Variants in CLCN7 observed in about 807,000 individuals in gnomAD.
The protein encoded by CLCN7 is H(+)/Cl(-) exchange transporter 7.
CLCN7 carries 60 observed loss-of-function variants against 102.1 expected under a neutral mutation model. The ratio of observed to expected loss-of-function variants is 0.59; its 90% CI spans 0.48 to 0.73. The LOEUF is 0.73. Ranked by LOEUF, CLCN7 falls within the 30% of genes least tolerant of loss-of-function variation. The pLI is 0.00. For missense variants in CLCN7, 962 were observed against 1,125.7 expected, an observed-to-expected ratio of 0.85 and a Z score of 2.08; for synonymous variants, 560 against 490.5, an observed-to-expected ratio of 1.14 and a Z score of -1.87.
intron 16 of CLCN7, among the ~76,000 whole-genome samples, chr16:1,451,362 T>A (rs1405938617): frequency 1.3e-5 from 2 of 152,194 alleles, no homozygotes; most frequent in Non-Finnish European, 2.9e-5. Context: ...TGTACTACCG[T>A]AGCCAGATAA....
chr16:1,450,469 C>T (rs1163500879), intron 17 of CLCN7, 28 bp downstream of exon 17: 2 of 1,572,604 alleles, frequency 1.3e-6, no homozygotes, highest in Admixed American at 1.9e-5. Flanking sequence ...CTGCAGGGCC[C>T]CACAGCCTCC....
At chr16:1,465,512 G>C (rs537517962) in intron 1 of CLCN7, among the ~76,000 whole-genome samples, 174 bp from the exon 2 acceptor site, 3 of 152,292 alleles carry the variant, frequency 2.0e-5, no homozygotes, top group African/African-American at 7.2e-5. Context: ...GGGCCTCCCT[G>C]GGCCCTGGAA....
At chr16:1,449,750 G>A in intron 17 of CLCN7, 1 of 246,682 alleles carries the variant, frequency 4.1e-6, no homozygotes, top group Non-Finnish European at 7.8e-6. Flanking sequence ...TTTCCATTCT[G>A]GGATGACGGA....
chr16:1,462,403 G>C (rs2038950946), intron 2 of CLCN7, among the ~76,000 whole-genome samples: 1 of 101,416 alleles, frequency 9.9e-6, no homozygotes, highest in African/African-American at 4.1e-5. Flanking sequence ...TTGAGATACA[G>C]TCACTCTTTT....
At position 1,449,452 on chromosome 16, in the gene CLCN7, C is replaced by T. The variant is rs150929696; in HGVS notation, c.1618-125G>A. 1.6e-3 allele frequency: 1,346 copies of T among 829,918 alleles called. 9 individuals are homozygous for T. The highest frequency in any genetic ancestry group is 4.2e-3 in the Admixed American group (205 of 49,238). The allele number at this position is 829,918 out of a possible 1,614,324, so 51.4% of individuals were successfully genotyped here. A position where few individuals can be genotyped will look rare whatever the true frequency, so the allele number is the denominator to read the frequency against. On this transcript the variant is annotated intron_variant, in intron 17 of 24. Coordinates refer to ENST00000382745, the MANE Select transcript of CLCN7 (RefSeq NM_001287.6). ...CAGCCAGGAACAAACCTCGTGGCCG[C>T]GTACATACACACAGAACAACCTAGC...
At chr16:1,461,199 G>A (rs537582562) in intron 4 of CLCN7, among the ~76,000 whole-genome samples, 5 of 152,374 alleles carry the variant, frequency 3.3e-5, no homozygotes, top group African/African-American at 1.2e-4. Context: ...CACCGCATCT[G>A]GCGGCCGTAA....
intron 9 of CLCN7, 78 bp from the exon 10 acceptor site, chr16:1,456,284 C>A (rs2142380234): frequency 9.2e-7 from 1 of 1,087,910 alleles, no homozygotes; most frequent in South Asian, 1.3e-5. Flanking sequence ...ACTGCCAGGA[C>A]AGGGGCTGTG....
rs192645578 is a variant in CLCN7 at position 1,465,068 on chromosome 16, C to T, written c.213+199G>A. On this transcript the variant is annotated intron_variant, in intron 2 of 24. Transcript: ENST00000382745. ...CCTGACCGGCTTCCTGCGCCCTGCA[C>T]TCCTCCGTCTGAGAGCACTTCTGCC... 8.5e-5 allele frequency among the ~76,000 whole-genome samples: 13 copies of T among 152,322 alleles called. No individual in the cohort carries two copies. In the East Asian group the frequency reaches 2.5e-3, roughly 30 times the overall value.
At chr16:1,460,141 G>A (rs1481594385) in intron 6 of CLCN7, among the ~76,000 whole-genome samples, 3 of 151,858 alleles carry the variant, frequency 2.0e-5, no homozygotes, top group Admixed American at 1.3e-4. Flanking sequence ...GGAGGGGAGG[G>A]CAGAGTGAGG....
At chr16:1,473,338 G>A (rs1295167109) in intron 1 of CLCN7, among the ~76,000 whole-genome samples, 2 of 148,828 alleles carry the variant, frequency 1.3e-5, no homozygotes, top group East Asian at 2.0e-4. Context: ...TAGGTTCTAT[G>A]GAAACAGGCT....
chr16:1,455,012 T>C, intron 12 of CLCN7, 122 bp downstream of exon 12: 1 of 735,162 alleles, frequency 1.4e-6, no homozygotes, highest in Non-Finnish European at 2.5e-6. Context: ...ACACAAGAGC[T>C]CTCAGCTCCA....
intron 17 of CLCN7, chr16:1,449,644 A>G: frequency 4.7e-6 from 2 of 427,056 alleles, no homozygotes; most frequent in Non-Finnish European, 8.6e-6. Context: ...ACCCCGGCAC[A>G]CACGACACAG....
At chr16:1,447,184 A>G in intron 23 of CLCN7, 98 bp from the exon 24 acceptor site, 1 of 1,273,862 alleles carries the variant, frequency 7.9e-7, no homozygotes, top group Non-Finnish European at 1.1e-6. Context: ...CACGGCGTCC[A>G]GGCACGTCCT....
Position 1,460,562 on chromosome 16 carries a change from G to A in CLCN7, c.485-35C>T, listed in dbSNP as rs116029330. ...ATCAAGGAGGGCTGGCTGCTTCCCC[G>A]TCATGACCACCCAGCCCAGACCTCA... is the stretch of plus-strand genomic sequence containing the variant. On this transcript the variant is annotated intron_variant, in intron 5 of 24. Transcript: ENST00000382745. 3,317 of 1,542,212 alleles carry A rather than the reference G, an allele frequency of 2.2e-3. 56 individuals carry two copies. In the African/African-American group the frequency reaches 0.039, roughly 18 times the overall value.
At position 1,450,551 on chromosome 16, in the gene CLCN7, C is replaced by T; in HGVS notation, c.1563G>A (p.Gly521=). The change falls in exon 17 of 25, where the codon GGG becomes GGA. Residue 521 remains glycine, a synonymous_variant. Transcript: ENST00000382745. ...TCCCAAAGAGCCGGCCCCAGGCAGC[C>T]CCGATGAGCAGGGACGGGATGAAGA... ...AGVFIPSLLI[G]AAWGRLFGIS... 6.2e-7 allele frequency: 1 copy of T among 1,611,716 alleles called. No homozygotes were observed. The highest frequency in any genetic ancestry group is 8.5e-7 in the Non-Finnish European group (1 of 1,179,544).
intron 1 of CLCN7, among the ~76,000 whole-genome samples, chr16:1,469,175 C>G (rs1234921868): frequency 1.3e-5 from 2 of 152,040 alleles, no homozygotes; most frequent in Admixed American, 6.6e-5. Context: ...CACTGTATTC[C>G]AGCCTGGGCA....
rs73493704 is a variant in CLCN7 at position 1,465,195 on chromosome 16, G to A, written c.213+72C>T. The A allele has an allele frequency of 2.4e-3, 3,436 of 1,458,894 alleles. 67 individuals are homozygous for A. In the African/African-American group the frequency reaches 0.041, roughly 18 times the overall value. The allele number at this position is 1,458,894 out of a possible 1,614,324, so 90.4% of individuals were successfully genotyped here. ...CCACTATCTCCCTGCCGCTCGGCCC[G>A]TGCCCATCCCTGTCACCCTCTGCTA... is the stretch of plus-strand genomic sequence containing the variant. On this transcript the variant is annotated intron_variant, in intron 2 of 24. Coordinates refer to ENST00000382745, the MANE Select transcript of CLCN7 (RefSeq NM_001287.6).
intron 1 of CLCN7, among the ~76,000 whole-genome samples, chr16:1,472,239 T>C (rs527409798): frequency 6.6e-6 from 1 of 152,158 alleles, no homozygotes; most frequent in Non-Finnish European, 1.5e-5. Flanking sequence ...GGGAATAGTT[T>C]TTTTATTTTT....
At chr16:1,455,907 T>C in intron 10 of CLCN7, 112 bp from the exon 11 acceptor site, 1 of 1,245,124 alleles carries the variant, frequency 8.0e-7, no homozygotes, top group Non-Finnish European at 1.1e-6. Context: ...AAGAAGCTAA[T>C]GGGGTGGGCC....
Sources: gnomAD v4.1 joint callset for allele counts (sites outside exome capture counted in the v4.1 genomes callset) on GRCh38, gnomAD v4.1.1 for gene constraint, MANE v1.5 for transcripts, NCBI Gene and HGNC (gene_info 2026-07-23, HGNC 2026-07-21) for gene names.